PLCH2: variants seen among roughly 807,000 people sequenced by gnomAD.
The protein encoded by PLCH2 is phospholipase C eta 2, also known as 1-phosphatidylinositol 4,5-bisphosphate phosphodiesterase eta-2.
PLCH2 carries 98 observed loss-of-function variants against 134.7 expected under a neutral mutation model. The observed-to-expected ratio is 0.73, with a 90% CI of 0.62 to 0.86. The LOEUF (loss-of-function observed/expected upper bound fraction) is 0.86. Ranked by LOEUF, PLCH2 falls within the 40% of genes least tolerant of loss-of-function variation. The pLI is 0.00. For missense variants in PLCH2, 1,994 were observed against 1,986.6 expected (o/e 1.00, Z -0.07); for synonymous variants, 974 against 827.5 (o/e 1.18, Z -3.04).
rs751469232 is a variant in PLCH2, at chr1:2,497,019, G to T, written c.2116+9G>T. On this transcript the variant is annotated intron_variant, in intron 15 of 21. Coordinates refer to ENST00000378486, the MANE Select transcript of PLCH2 (RefSeq NM_014638.4). ...CGCCGGCTGCCAAATGGGTGGGTGC[G>T]GGCATGGTGCGCTGGGTGTGGTGGG... is the stretch of plus-strand genomic sequence containing the variant. 2 of 1,610,624 alleles carry T rather than the reference G, an allele frequency of 1.2e-6. No individual in the cohort carries two copies. The highest frequency in any genetic ancestry group is 2.2e-5 in the South Asian group (2 of 90,744).
chr1:2,485,840 A>T (rs1642256899), intron 5 of PLCH2, among the ~76,000 whole-genome samples: 1 of 151,874 alleles, frequency 6.6e-6, no homozygotes, highest in Non-Finnish European at 1.5e-5. Flanking sequence ...GCAGTACCCC[A>T]CCCCCAAGCT....
In PLCH2 at chr1:2,483,997, ACTCCCGTG is replaced by A. The variant is rs2100670303; in HGVS notation, c.646-450_646-443del. ...CTGACTCCCGTGTGGGGGGGCGCTG[ACTCCCGTG>A]TGGGGGGGCGCTGACTCCCGTGTGG... On this transcript the variant is annotated intron_variant, in intron 4 of 21. Coordinates refer to ENST00000378486, the MANE Select transcript of PLCH2 (RefSeq NM_014638.4). Among the ~76,000 whole-genome samples, 4 of 91,242 alleles carry A rather than the reference ACTCCCGTG, an allele frequency of 4.4e-5. 2 individuals are homozygous for A. The highest frequency in any genetic ancestry group is 1.9e-4 in the African/African-American group (4 of 21,478). 59.9% of individuals were successfully genotyped at this position (91,242 alleles called of 152,430 possible).
At chr1:2,480,437 A>G (rs1641901304) in intron 4 of PLCH2, 125 bp downstream of exon 4, 3 of 1,090,944 alleles carry the variant, frequency 2.7e-6, no homozygotes, top group Non-Finnish European at 4.0e-6. Flanking sequence ...CTCAAGCTGC[A>G]CAGAGTAGCT....
intron 2 of PLCH2, among the ~76,000 whole-genome samples, chr1:2,437,868 C>T (rs1639506422): frequency 1.3e-5 from 2 of 152,214 alleles, no homozygotes; most frequent in Non-Finnish European, 2.9e-5. Flanking sequence ...GTACATGCAC[C>T]CACGCACGTG....
At chr1:2,433,882 C>T (rs1639189395) in intron 2 of PLCH2, among the ~76,000 whole-genome samples, 1 of 152,206 alleles carries the variant, frequency 6.6e-6, no homozygotes, top group Non-Finnish European at 1.5e-5. Flanking sequence ...CACTGGGGGT[C>T]CCGGGTGATG....
intron 2 of PLCH2, among the ~76,000 whole-genome samples, chr1:2,456,235 C>T (rs1640485236): frequency 1.3e-5 from 2 of 152,128 alleles, no homozygotes; most frequent in African/African-American, 4.8e-5. Context: ...TTCTCCCGGG[C>T]CTTTGTCGGA....
intron 15 of PLCH2, among the ~76,000 whole-genome samples, chr1:2,497,229 G>A (rs1289790617): frequency 6.6e-6 from 1 of 152,270 alleles, no homozygotes; most frequent in Non-Finnish European, 1.5e-5. Flanking sequence ...TGTGGGGGAT[G>A]TGGGAGCGAT....
In PLCH2 at chr1:2,489,367, A is replaced by T. The variant is rs886729347; in HGVS notation, c.1396A>T (p.Ile466Phe). 6.2e-7 allele frequency: 1 copy of T among 1,613,550 alleles called. No homozygotes were observed. The highest frequency in any genetic ancestry group is 1.3e-5 in the African/African-American group (1 of 74,938). Residue 466 changes from isoleucine to phenylalanine, a missense_variant, in exon 9 of 22, where the codon ATC becomes TTC. Physicochemically the swap from Ile to Phe is conservative, Grantham distance 21. Coordinates refer to ENST00000378486, the MANE Select transcript of PLCH2 (RefSeq NM_014638.4). ...LPSPQMLKGK[I>F]LVKGKKLPAN... ...CTCTCCACAGATGCTCAAGGGCAAGATCCTCGTGAAGGTGAGTGAGCCCCT... is the reference window on the plus strand; with the variant it reads ...CTCTCCACAGATGCTCAAGGGCAAGTTCCTCGTGAAGGTGAGTGAGCCCCT...
At position 2,504,576 on chromosome 1, in the gene PLCH2, A is replaced by G; in HGVS notation, c.3614A>G (p.Asn1205Ser). 6.2e-7 allele frequency: 1 copy of G among 1,612,524 alleles called. No homozygotes were observed. Among genetic ancestry groups the G allele is most frequent in the Non-Finnish European group, 8.5e-7 (1 of 1,179,740 alleles). The change falls in exon 22 of 22, where the codon AAC becomes AGC. Residue 1205 changes from asparagine (N) to serine (S), a missense_variant. Asn to Ser is a conservative substitution (Grantham distance 46). This residue lies in a region of PLCH2 where 900 missense variants were observed against 752.3 expected (regional missense o/e 1.20). Transcript: ENST00000378486. ...PPVTKSKSNP[N>S]LRATGQRPPI... is the part of the protein sequence containing the mutation. Reference sequence around the variant, plus strand: ...GTGACCAAGAGCAAATCCAACCCCAACCTTCGGGCTACAGGCCAGCGGCCT... The same window carrying G: ...GTGACCAAGAGCAAATCCAACCCCAGCCTTCGGGCTACAGGCCAGCGGCCT...
At chr1:2,416,035 C>A in the PLCH2 span, among the ~76,000 whole-genome samples, 2 of 152,252 alleles carry the variant, frequency 1.3e-5, no homozygotes, top group South Asian at 2.1e-4. Flanking sequence ...ATCCCCCCAC[C>A]AACACCCAGT....
intron 2 of PLCH2, among the ~76,000 whole-genome samples, chr1:2,434,020 A>C (rs1360483620): frequency 6.6e-6 from 1 of 152,174 alleles, no homozygotes; most frequent in East Asian, 1.9e-4. Context: ...AGCTGCTGCC[A>C]TCAACATCGC....
intron 1 of PLCH2, among the ~76,000 whole-genome samples, chr1:2,427,800 TGGGAGCCCTCCG>T (rs1253957134): frequency 9.2e-5 from 14 of 151,810 alleles, no homozygotes; most frequent in African/African-American, 1.7e-4. Context: ...CCTCCAGAAG[TGGGAGCCCTCCG>T]GGGGTGGGAG....
intron 2 of PLCH2, among the ~76,000 whole-genome samples, chr1:2,433,965 G>A (rs984867179): frequency 4.8e-5 from 7 of 145,316 alleles, no homozygotes; most frequent in African/African-American, 1.0e-4. Flanking sequence ...CTCATGCTCC[G>A]AAGGGCAGCA....
intron 2 of PLCH2, chr1:2,479,370 C>T (rs542846203): frequency 1.0e-5 from 2 of 192,190 alleles, no homozygotes; most frequent in East Asian, 2.5e-4. Context: ...ACCTGCGGCG[C>T]TGGAGCCCTG....
rs970478764 is a variant in PLCH2, at chr1:2,448,511, G to A, written c.115+17882G>A. 6.6e-6 allele frequency among the ~76,000 whole-genome samples: 1 copy of A among 152,174 alleles called. No individual in the cohort carries two copies. The highest frequency in any genetic ancestry group is 1.5e-5 in the Non-Finnish European group (1 of 68,034). On this transcript the variant is annotated intron_variant, in intron 2 of 3. Transcript: ENST00000609981. The surrounding 1 kb of genome is among the most constrained non-coding windows in gnomAD (Gnocchi z 4.0). ...GGTCATTCGGGACGATCTCCTCGGC[G>A]CAGGCCTTTCACTGAGCACGCCCTC... is the stretch of plus-strand genomic sequence containing the variant.
intron 2 of PLCH2, 74 bp from the exon 3 acceptor site, chr1:2,479,660 G>A (rs890909927): frequency 6.2e-6 from 9 of 1,458,744 alleles, no homozygotes; most frequent in Admixed American, 2.1e-5. Context: ...CTTGGTCTCC[G>A]CAGTGTTGGG....
intron 2 of PLCH2, among the ~76,000 whole-genome samples, chr1:2,442,650 T>C (rs545439516): frequency 6.6e-6 from 1 of 152,350 alleles, no homozygotes; most frequent in East Asian, 1.9e-4. Context: ...GACCCTTGGG[T>C]GCAGAAGCAG....
At chr1:2,481,604 C>T (rs1472842827) in intron 4 of PLCH2, among the ~76,000 whole-genome samples, 1 of 152,256 alleles carries the variant, frequency 6.6e-6, no homozygotes, top group Non-Finnish European at 1.5e-5. Context: ...CCTGAAGGTC[C>T]AACCAGACCT....
At chr1:2,446,034 C>T (rs890605092) in intron 2 of PLCH2, among the ~76,000 whole-genome samples, 35 of 151,406 alleles carry the variant, frequency 2.3e-4, no homozygotes, top group African/African-American at 7.0e-4. Flanking sequence ...ATGGGCACGC[C>T]GACGGGAGGG....
Sources: gnomAD v4.1 joint callset for allele counts (sites outside exome capture counted in the v4.1 genomes callset) on GRCh38, gnomAD v4.1.1 for gene constraint, gnomAD v4.1.1 regional missense constraint, Gnocchi (gnomAD v3.1) non-coding constraint, MANE v1.5 for transcripts, NCBI Gene and HGNC (gene_info 2026-07-23, HGNC 2026-07-21) for gene names.